Variants in CREBRF observed in about 807,000 individuals in gnomAD.
The protein encoded by CREBRF is CREB3 regulatory factor.
CREBRF carries 5 observed loss-of-function variants against 66.1 expected under a neutral mutation model. That is an observed-to-expected ratio of 0.08 (90% CI 0.04 to 0.16). The LOEUF (loss-of-function observed/expected upper bound fraction) is 0.16, where lower values mean the gene tolerates loss of function less well. Ranked by LOEUF, CREBRF falls within the 10% of genes least tolerant of loss-of-function variation. The pLI is 1.00. For synonymous variants in CREBRF, 229 were observed against 264.4 expected (o/e 0.87, Z 1.30); for missense variants, 531 against 744.9 (o/e 0.71, Z 3.34).
intron 2 of CREBRF, among the ~76,000 whole-genome samples, chr5:173,083,848 T>G (rs1394566432): frequency 6.6e-6 from 1 of 152,236 alleles, no homozygotes; most frequent in African/African-American, 2.4e-5. Context: ...CTCTATATTT[T>G]TTCAATTTTT....
chr5:173,071,735 TAGAA>T (rs1478611051), intron 1 of CREBRF, among the ~76,000 whole-genome samples: 1 of 151,930 alleles, frequency 6.6e-6, no homozygotes, highest in Admixed American at 6.6e-5. Context: ...TGTGGTAGGT[TAGAA>T]AGAATAATTT....
At chr5:173,085,750 T>G in intron 2 of CREBRF, 1 of 771,854 alleles carries the variant, frequency 1.3e-6, no homozygotes, top group Non-Finnish European at 2.4e-6. Flanking sequence ...TCTGTGTGAG[T>G]GTAGAACACT....
chr5:173,106,584 T>C (rs1329832422), intron 4 of CREBRF, among the ~76,000 whole-genome samples: 1 of 152,172 alleles, frequency 6.6e-6, no homozygotes, highest in Non-Finnish European at 1.5e-5. Flanking sequence ...TCCAAATTGA[T>C]TCTTTTTTTT....
At chr5:173,077,876 C>T (rs1757812919) in intron 1 of CREBRF, among the ~76,000 whole-genome samples, 1 of 152,068 alleles carries the variant, frequency 6.6e-6, no homozygotes, top group Admixed American at 6.6e-5. Context: ...AAGGTTCATT[C>T]TTGTTGTAGT....
intron 1 of CREBRF, among the ~76,000 whole-genome samples, chr5:173,071,518 G>GT (rs1336485377): frequency 6.6e-6 from 1 of 151,270 alleles, no homozygotes; most frequent in African/African-American, 2.4e-5. Context: ...CCTTGTTTTT[G>GT]TTTTTTTAAG....
intron 1 of CREBRF, among the ~76,000 whole-genome samples, chr5:173,074,631 T>C (rs1473765779): frequency 2.0e-5 from 3 of 152,034 alleles, no homozygotes. Context: ...TTTTTATTTT[T>C]TTATTTTTTG....
At chr5:173,062,365 G>A (rs909976805) in intron 1 of CREBRF, among the ~76,000 whole-genome samples, 2 of 152,236 alleles carry the variant, frequency 1.3e-5, no homozygotes, top group Non-Finnish European at 2.9e-5. Context: ...GCTGAGAACT[G>A]CTTATCTGGA....
In CREBRF at chr5:173,087,310, C is replaced by T. The variant is rs539623025; in HGVS notation, c.135+684C>T. 3.9e-5 allele frequency among the ~76,000 whole-genome samples: 6 copies of T among 151,988 alleles called. No individual in the cohort carries two copies. In the South Asian group the frequency reaches 1.0e-3, roughly 26 times the overall value. On this transcript the variant is annotated intron_variant, in intron 3 of 8. Transcript: ENST00000296953. ...GTCAGCCAGACAGGTCTTGAGCTCC[C>T]GACCTCAGGTGATCTGCCCGCCTCG...
At chr5:173,115,150 G>C (rs1269646655) in intron 7 of CREBRF, among the ~76,000 whole-genome samples, 9 of 146,808 alleles carry the variant, frequency 6.1e-5, no homozygotes, top group Non-Finnish European at 1.2e-4. Flanking sequence ...CTTGTTGCCC[G>C]GGCTGGAGTG....
At chr5:173,098,908 ACT>A (rs1211936837) in intron 4 of CREBRF, among the ~76,000 whole-genome samples, 1 of 137,422 alleles carries the variant, frequency 7.3e-6, no homozygotes, top group African/African-American at 2.7e-5. Flanking sequence ...ACAGAATCTT[ACT>A]CTGTTACCCA....
chr5:173,080,637 T>G lies in CREBRF; in HGVS notation c.-139T>G. 1.3e-6 allele frequency: 1 copy of G among 747,530 alleles called. No individual in the cohort carries two copies. Among genetic ancestry groups the G allele is most frequent in the Non-Finnish European group, 2.3e-6 (1 of 441,740 alleles). The allele number at this position is 747,530 out of a possible 1,614,324, so 46.3% of individuals were successfully genotyped here. A position where few individuals can be genotyped will look rare whatever the true frequency, so the allele number is the denominator to read the frequency against. ...AAAAGCAGTGATCCAAGCAATTGAA[T>G]TGGAAGCACTCTGGGGAAACCTGCT... On this transcript the variant is annotated 5_prime_UTR_variant, in exon 2 of 9. Transcript: ENST00000296953.
In CREBRF at chr5:173,102,191, C is replaced by T. The variant is rs1331685885; in HGVS notation, c.1223-6433C>T. Among the ~76,000 whole-genome samples the T allele has an allele frequency of 1.3e-5, 2 of 152,136 alleles. 1 individual carries two copies. Among genetic ancestry groups the T allele is most frequent in the South Asian group, 4.1e-4 (2 of 4,826 alleles). ...TTCTTTAAGACAATTATTTTGAATT[C>T]TTTGTTAGGAAGTTCATAGATCTGC... On this transcript the variant is annotated intron_variant, in intron 4 of 8. Coordinates refer to ENST00000296953, the MANE Select transcript of CREBRF (RefSeq NM_153607.3).
chr5:173,097,461 T>C (rs1420547541), intron 4 of CREBRF, among the ~76,000 whole-genome samples: 2 of 152,138 alleles, frequency 1.3e-5, no homozygotes, highest in Non-Finnish European at 2.9e-5. Context: ...GCCAGGCTAG[T>C]CTGGAACTCC....
At chr5:173,095,407 T>G (rs1758454898) in intron 4 of CREBRF, among the ~76,000 whole-genome samples, 1 of 152,020 alleles carries the variant, frequency 6.6e-6, no homozygotes, top group Non-Finnish European at 1.5e-5. Flanking sequence ...GCCAGGATGG[T>G]CTCGATCTCC....
intron 1 of CREBRF, among the ~76,000 whole-genome samples, chr5:173,074,134 C>T (rs145457037): frequency 1.3e-5 from 2 of 151,940 alleles, no homozygotes; most frequent in Non-Finnish European, 2.9e-5. Flanking sequence ...GAAAACCCAC[C>T]TCTACTAAAA....
At chr5:173,104,345 AT>A (rs57858557) in intron 4 of CREBRF, among the ~76,000 whole-genome samples, 1 of 151,934 alleles carries the variant, frequency 6.6e-6, no homozygotes, top group Admixed American at 6.6e-5. Context: ...TTGGGGCATA[AT>A]TTTTTTCATT....
At chr5:173,075,939 C>T (rs1271073354) in intron 1 of CREBRF, among the ~76,000 whole-genome samples, 1 of 151,424 alleles carries the variant, frequency 6.6e-6, no homozygotes, top group African/African-American at 2.4e-5. Flanking sequence ...AGAGATTTAT[C>T]GCTGGGCGTG....
In CREBRF at chr5:173,110,829, A is replaced by G. The variant is rs905200107; in HGVS notation, c.1607+118A>G. Reference sequence around the variant, plus strand: ...GTATTTTTCTTGTATAAATACTACAATGAGAATATTATAATTTTTCTTTTG... The same window carrying G: ...GTATTTTTCTTGTATAAATACTACAGTGAGAATATTATAATTTTTCTTTTG... On this transcript the variant is annotated intron_variant, in intron 6 of 8. Coordinates refer to ENST00000296953, the MANE Select transcript of CREBRF (RefSeq NM_153607.3). 5.9e-5 allele frequency: 41 copies of G among 689,532 alleles called. 1 individual carries two copies. In the East Asian group the frequency reaches 1.1e-3, roughly 18 times the overall value. 42.7% of individuals were successfully genotyped at this position (689,532 alleles called of 1,614,324 possible).
intron 8 of CREBRF, 99 bp downstream of exon 8, chr5:173,123,301 CA>C: frequency 1.8e-6 from 2 of 1,130,852 alleles, no homozygotes; most frequent in Non-Finnish European, 1.2e-6. Flanking sequence ...AGGAAAAACT[CA>C]AGTGCTCTCA....
Sources: gnomAD v4.1 joint callset for allele counts (sites outside exome capture counted in the v4.1 genomes callset) on GRCh38, gnomAD v4.1.1 for gene constraint, MANE v1.5 for transcripts, NCBI Gene and HGNC (gene_info 2026-07-23, HGNC 2026-07-21) for gene names.